Variants in GALNT13 observed in about 807,000 individuals in gnomAD.
GALNT13 encodes UDP-GalNAc:polypeptide N-acetylgalactosaminyltransferase 13.
Under a neutral mutation model 64.2 loss-of-function variants are expected in GALNT13, and 28 were observed. The observed-to-expected ratio is 0.44, with a 90% CI of 0.32 to 0.60. The LOEUF is 0.60. Among genes scored for constraint, GALNT13 ranks in the 20% least tolerant of loss-of-function variants. The pLI, the probability that GALNT13 is intolerant of heterozygous loss-of-function variation, is 0.05. For missense variants in GALNT13, 577 were observed against 669.8 expected, an observed-to-expected ratio of 0.86 and a Z score of 1.53; for synonymous variants, 214 against 224.6, an observed-to-expected ratio of 0.95 and a Z score of 0.42.
At chr2:153,748,876 A>T in the GALNT13 span, among the ~76,000 whole-genome samples, 1 of 146,678 alleles carries the variant, frequency 6.8e-6, no homozygotes, top group East Asian at 1.9e-4. Context: ...CTGGAAAAAA[A>T]AAGAAAGAAA....
At chr2:153,871,533 T>A (rs1264353474), upstream of GALNT13, among the ~76,000 whole-genome samples, 4 of 152,180 alleles carry the variant, frequency 2.6e-5, no homozygotes, top group Non-Finnish European at 5.9e-5. Context: ...AGAGGCTCCC[T>A]GGTGCATTGG....
rs75911001 is a variant in GALNT13 at position 154,038,586 on chromosome 2, G to A, written c.142+93947G>A. ...TGCAAGACAACGTAAGTAGACTCCT[G>A]CCACTTGTCAAATACAAATATCAAC... On this transcript the variant is annotated intron_variant, in intron 3 of 12. Coordinates refer to ENST00000392825, the MANE Select transcript of GALNT13 (RefSeq NM_052917.4). Among the ~76,000 whole-genome samples, 332 of 152,170 alleles carry A rather than the reference G, an allele frequency of 2.2e-3. 2 individuals carry two copies. Among genetic ancestry groups the A allele is most frequent in the African/African-American group, 7.2e-3 (298 of 41,524 alleles).
chr2:153,671,895 T>C, the GALNT13 span, among the ~76,000 whole-genome samples: 1 of 152,132 alleles, frequency 6.6e-6, no homozygotes, highest in Non-Finnish European at 1.5e-5. Flanking sequence ...AAGCAGGGGT[T>C]GCAATCCTGG....
the GALNT13 span, among the ~76,000 whole-genome samples, chr2:153,730,226 A>T: frequency 1.4e-4 from 21 of 152,072 alleles, no homozygotes; most frequent in African/African-American, 5.1e-4. Flanking sequence ...AGAGCATGGT[A>T]CTGGTTTAAA....
chr2:154,159,651 A>T (rs1684620741), intron 4 of GALNT13, among the ~76,000 whole-genome samples: 1 of 152,160 alleles, frequency 6.6e-6, no homozygotes, highest in South Asian at 2.1e-4. Flanking sequence ...ATAGATCTGT[A>T]TTGGGATGAG....
chr2:153,634,321 A>G, the GALNT13 span, among the ~76,000 whole-genome samples: 1 of 152,138 alleles, frequency 6.6e-6, no homozygotes, highest in Non-Finnish European at 1.5e-5. Flanking sequence ...TGAAAATTGT[A>G]TGAATCATGA....
chr2:154,371,758 A>G (rs1697699808), intron 9 of GALNT13, among the ~76,000 whole-genome samples: 1 of 9,856 alleles, frequency 1.0e-4, no homozygotes, highest in Non-Finnish European at 3.0e-4. Context: ...CAAGGCCTTA[A>G]GCTTTTTTTG....
At chr2:154,295,720 C>CA (rs1317603101) in intron 8 of GALNT13, among the ~76,000 whole-genome samples, 1 of 152,036 alleles carries the variant, frequency 6.6e-6, no homozygotes, top group Non-Finnish European at 1.5e-5. Context: ...TTTTTGTAGG[C>CA]ACACATAGCT....
chr2:153,892,803 A>C (rs550829085), intron 1 of GALNT13, among the ~76,000 whole-genome samples: 1 of 151,994 alleles, frequency 6.6e-6, no homozygotes, highest in African/African-American at 2.4e-5. Flanking sequence ...CTCTGTCTTC[A>C]TTTTAAATAT....
At chr2:154,069,379 C>T (rs1266789901) in intron 3 of GALNT13, among the ~76,000 whole-genome samples, 2 of 151,576 alleles carry the variant, frequency 1.3e-5, no homozygotes, top group African/African-American at 2.4e-5. Flanking sequence ...TAAATAAACC[C>T]TTAAAAATGC....
At chr2:154,096,740 C>CT (rs1702088412) in intron 3 of GALNT13, among the ~76,000 whole-genome samples, 2 of 152,046 alleles carry the variant, frequency 1.3e-5, no homozygotes, top group Admixed American at 1.3e-4. Flanking sequence ...GTAGTAATGA[C>CT]TATGAAGAGC....
At chr2:153,905,709 C>T (rs1340203629) in intron 2 of GALNT13, among the ~76,000 whole-genome samples, 1 of 151,924 alleles carries the variant, frequency 6.6e-6, no homozygotes, top group African/African-American at 2.4e-5. Context: ...GCATTCTTAC[C>T]ATAGAGCTTA....
At chr2:154,386,910 ACTGTG>A (rs1698540531) in intron 9 of GALNT13, among the ~76,000 whole-genome samples, 7 of 152,098 alleles carry the variant, frequency 4.6e-5, no homozygotes, top group Non-Finnish European at 1.0e-4. Flanking sequence ...GTAACTTTTG[ACTGTG>A]GATATTAGAG....
the GALNT13 span, among the ~76,000 whole-genome samples, chr2:153,716,603 T>A: frequency 6.6e-6 from 1 of 152,190 alleles, no homozygotes; most frequent in Non-Finnish European, 1.5e-5. Context: ...GATTAAAATT[T>A]TTAATTGTAT....
chr2:154,415,126 C>A (rs541094074), intron 11 of GALNT13, among the ~76,000 whole-genome samples: 3 of 144,916 alleles, frequency 2.1e-5, no homozygotes, highest in Non-Finnish European at 3.1e-5. Context: ...GTAGCAAAAC[C>A]CCATCTCTAG....
the GALNT13 span, among the ~76,000 whole-genome samples, chr2:153,163,966 C>T: frequency 6.0e-5 from 9 of 149,660 alleles, no homozygotes; most frequent in South Asian, 2.1e-4. Context: ...TGCAGTGAGC[C>T]GAGATCGCGC....
At chr2:153,832,308 A>G in the GALNT13 span, among the ~76,000 whole-genome samples, 4 of 152,166 alleles carry the variant, frequency 2.6e-5, no homozygotes, top group African/African-American at 9.7e-5. Flanking sequence ...TGAATTATAT[A>G]TGTTATTGGT....
the GALNT13 span, among the ~76,000 whole-genome samples, chr2:153,858,980 C>T: frequency 5.3e-5 from 8 of 152,140 alleles, no homozygotes; most frequent in Non-Finnish European, 1.0e-4. Flanking sequence ...GTGATCTGCC[C>T]GCCTTGGCCT....
chr2:153,742,412 C>G, the GALNT13 span, among the ~76,000 whole-genome samples: 1 of 151,820 alleles, frequency 6.6e-6, no homozygotes. Flanking sequence ...GCAAATTTTT[C>G]TTTCTCAAAA....
Sources: allele counts gnomAD v4.1 joint callset (sites outside exome capture counted in the v4.1 genomes callset), GRCh38; gene constraint gnomAD v4.1.1; transcripts MANE v1.5; gene names NCBI Gene and HGNC (gene_info 2026-07-23, HGNC 2026-07-21).